Variants in KIF15 observed in about 807,000 individuals in gnomAD.
KIF15 encodes the protein kinesin family member 15.
Under a neutral mutation model 190.6 loss-of-function variants are expected in KIF15, and 140 were observed. That is an observed-to-expected ratio of 0.73 (90% CI 0.64 to 0.84). The LOEUF is 0.84. Among genes scored for constraint, KIF15 ranks in the 40% least tolerant of loss-of-function variants. KIF15 has a pLI of 0.00. For synonymous variants in KIF15, 528 were observed against 551.3 expected (o/e 0.96, Z 0.59); for missense variants, 1,372 against 1,584.4 (o/e 0.87, Z 2.28).
chr3:44,855,650 TGAA>T (rs1403283020), downstream of KIF15, among the ~76,000 whole-genome samples: 5 of 152,054 alleles, frequency 3.3e-5, no homozygotes, highest in Admixed American at 1.3e-4. Context: ...GAGATTCAAT[TGAA>T]GAAAGATTTT....
intron 14 of KIF15, among the ~76,000 whole-genome samples, chr3:44,804,732 C>T (rs1252339814): frequency 1.3e-5 from 2 of 152,130 alleles, no homozygotes; most frequent in Non-Finnish European, 2.9e-5. Flanking sequence ...CAACCCATTT[C>T]TCACTTTTCC....
intron 5 of KIF15, among the ~76,000 whole-genome samples, chr3:44,781,586 A>G (rs900164374): frequency 6.6e-6 from 1 of 152,186 alleles, no homozygotes; most frequent in African/African-American, 2.4e-5. Context: ...GAATTGCTGG[A>G]TCATAGGATA....
chr3:44,795,536 A>C (rs1196834771), intron 8 of KIF15, among the ~76,000 whole-genome samples: 1 of 152,166 alleles, frequency 6.6e-6, no homozygotes, highest in East Asian at 1.9e-4. Context: ...TGCTGTTAAG[A>C]TTTTAGAAGG....
chr3:44,819,345 G>C (rs1056357592), intron 20 of KIF15, among the ~76,000 whole-genome samples: 2 of 151,966 alleles, frequency 1.3e-5, no homozygotes, highest in African/African-American at 4.8e-5. Context: ...TTAGGGTGTC[G>C]ATTTTAGATC....
chr3:44,861,847 A>G (rs1219188187), intron 6 of KIF15: 1 of 1,416,666 alleles, frequency 7.1e-7, no homozygotes, highest in East Asian at 2.9e-5. Flanking sequence ...GCGTCGCGTC[A>G]CGTGAGGCTG....
rs1218634667 is a variant in KIF15, at chr3:44,797,832, A to G, written c.976-2A>G. 3.7e-6 allele frequency: 6 copies of G among 1,611,274 alleles called. No individual in the cohort carries two copies. Among genetic ancestry groups the G allele is most frequent in the Non-Finnish European group, 5.1e-6 (6 of 1,179,300 alleles). Reference sequence around the variant, plus strand: ...AATATGTTCATTCCTATCATTAAACAGGATTCCCTTGGAGGTAATGCCAAA... The same window carrying G: ...AATATGTTCATTCCTATCATTAAACGGGATTCCCTTGGAGGTAATGCCAAA... On this transcript the variant is annotated splice_acceptor_variant, in intron 9 of 34. Transcript: ENST00000326047. LOFTEE classifies it high-confidence loss of function.
At chr3:44,793,031 T>C (rs1037258619) in intron 7 of KIF15, among the ~76,000 whole-genome samples, 1 of 152,202 alleles carries the variant, frequency 6.6e-6, no homozygotes, top group Admixed American at 6.5e-5. Context: ...CCTGAGAGCT[T>C]GTTAGAAATG....
intron 1 of KIF15, among the ~76,000 whole-genome samples, chr3:44,766,487 C>T (rs1705379992): frequency 6.6e-6 from 1 of 152,200 alleles, no homozygotes; most frequent in Non-Finnish European, 1.5e-5. Context: ...CCTCACCTCT[C>T]AACCACACTT....
intron 4 of KIF15, among the ~76,000 whole-genome samples, 179 bp downstream of exon 4, chr3:44,778,370 A>G (rs1705997043): frequency 6.6e-6 from 1 of 152,194 alleles, no homozygotes; most frequent in East Asian, 1.9e-4. Context: ...GTCAGCAGGG[A>G]TGCAATTCTT....
intron 26 of KIF15, among the ~76,000 whole-genome samples, chr3:44,833,279 A>T (rs1460026948): frequency 6.6e-6 from 1 of 152,008 alleles, no homozygotes; most frequent in East Asian, 1.9e-4. Flanking sequence ...TTAGACCAGG[A>T]GTGTGAGGGG....
Position 44,794,439 on chromosome 3 carries a change from T to C in KIF15, c.849+13T>C. The C allele has an allele frequency of 6.4e-7, 1 of 1,563,066 alleles. No individual in the cohort carries two copies. The highest frequency in any genetic ancestry group is 8.7e-7 in the Non-Finnish European group (1 of 1,151,264). ...GATGAGATTGAAGGTAAGAATGAAA[T>C]TATGGTCTTCAACTTGTGTGTGAGT... On this transcript the variant is annotated intron_variant, in intron 8 of 34. Coordinates refer to ENST00000326047, the MANE Select transcript of KIF15 (RefSeq NM_020242.3).
intron 27 of KIF15, 111 bp downstream of exon 27, chr3:44,838,532 CAGG>C (rs1162692939): frequency 9.1e-7 from 1 of 1,096,966 alleles, no homozygotes; most frequent in Non-Finnish European, 1.3e-6. Context: ...CACTTGAAGT[CAGG>C]AGTTCAAGAG....
At chr3:44,838,105 A>C (rs1438328123) in intron 26 of KIF15, among the ~76,000 whole-genome samples, 170 bp from the exon 27 acceptor site, 3 of 152,228 alleles carry the variant, frequency 2.0e-5, no homozygotes. Context: ...AGACCTGTTC[A>C]TCTAAATATT....
At chr3:44,798,558 G>A (rs1425174035) in intron 10 of KIF15, among the ~76,000 whole-genome samples, 1 of 151,752 alleles carries the variant, frequency 6.6e-6, no homozygotes, top group Non-Finnish European at 1.5e-5. Flanking sequence ...TGATCCGTCT[G>A]CCTTGGCCTT....
intron 32 of KIF15, among the ~76,000 whole-genome samples, chr3:44,850,443 G>A (rs953029190): frequency 5.3e-5 from 8 of 152,134 alleles, no homozygotes; most frequent in African/African-American, 1.9e-4. Context: ...AAGAGTAAAA[G>A]CTATTTAACT....
intron 20 of KIF15, among the ~76,000 whole-genome samples, chr3:44,817,543 A>T (rs1025934382): frequency 4.6e-5 from 7 of 152,152 alleles, no homozygotes; most frequent in African/African-American, 1.4e-4. Context: ...CAAAGATCAG[A>T]TGGTTGTAGA....
intron 19 of KIF15, among the ~76,000 whole-genome samples, chr3:44,814,423 C>T (rs1045686142): frequency 6.6e-6 from 1 of 152,200 alleles, no homozygotes; most frequent in African/African-American, 2.4e-5. Context: ...GATCCTCCCA[C>T]CTCAGCCTCC....
At chr3:44,862,613 T>G (rs559690039) in intron 6 of KIF15, 1 of 152,276 alleles carries the variant, frequency 6.6e-6, no homozygotes, top group Non-Finnish European at 1.5e-5. Context: ...CCAGGAAAAT[T>G]GGGAGTTTGG....
chr3:44,842,341 ATG>A (rs1485759972), intron 29 of KIF15, among the ~76,000 whole-genome samples: 17 of 152,152 alleles, frequency 1.1e-4, no homozygotes, highest in Admixed American at 2.0e-4. Flanking sequence ...GGTGGGGCAC[ATG>A]GAAGAGTGTC....
Sources: allele counts gnomAD v4.1 joint callset (sites outside exome capture counted in the v4.1 genomes callset), GRCh38; gene constraint gnomAD v4.1.1; transcripts MANE v1.5; gene names NCBI Gene and HGNC (gene_info 2026-07-23, HGNC 2026-07-21).